Variants in KLHL14 observed in about 807,000 individuals in gnomAD.
KLHL14 encodes kelch-like protein 14.
KLHL14 carries 22 observed loss-of-function variants against 64.3 expected under a neutral mutation model. The ratio of observed to expected loss-of-function variants is 0.34; its 90% confidence interval spans 0.24 to 0.49. The LOEUF (loss-of-function observed/expected upper bound fraction) is 0.49, where lower values mean the gene tolerates loss of function less well. Ranked by LOEUF, KLHL14 falls within the 20% of genes least tolerant of loss-of-function variation. The pLI is 0.99. For missense variants in KLHL14, 661 were observed against 789.0 expected (o/e 0.84, Z 1.94); for synonymous variants, 322 against 333.4 (o/e 0.97, Z 0.37).
intron 4 of KLHL14, among the ~76,000 whole-genome samples, chr18:32,688,132 A>G: frequency 6.6e-6 from 1 of 152,218 alleles, no homozygotes; most frequent in East Asian, 1.9e-4. Flanking sequence ...AATATATTAC[A>G]TTCTCTGTAG....
At chr18:32,742,113 G>A (rs2050202432) in intron 2 of KLHL14, 64 bp from the exon 3 acceptor site, 18 of 1,504,070 alleles carry the variant, frequency 1.2e-5, no homozygotes, top group South Asian at 4.9e-5. Flanking sequence ...TAGTGGCAAC[G>A]AAATCATAAC....
intron 3 of KLHL14, chr18:32,738,711 CTTT>C (rs2050179130): frequency 6.6e-6 from 1 of 152,008 alleles, no homozygotes. Flanking sequence ...TAATTGTTTC[CTTT>C]ACTGTTTGGG....
At chr18:32,693,215 G>A (rs949526325) in intron 4 of KLHL14, among the ~76,000 whole-genome samples, 1 of 152,126 alleles carries the variant, frequency 6.6e-6, no homozygotes, top group African/African-American at 2.4e-5. Flanking sequence ...TGGCCTGCTT[G>A]CCGCAAGGTG....
chr18:32,692,847 TA>T (rs1387728006), intron 4 of KLHL14, among the ~76,000 whole-genome samples: 1 of 152,224 alleles, frequency 6.6e-6, no homozygotes, highest in Non-Finnish European at 1.5e-5. Context: ...AAACTAGAGC[TA>T]TCATGGAATG....
chr18:32,772,738 A>G lies in KLHL14; in HGVS notation c.-115T>C, dbSNP rs2050397705. Reference sequence around the variant, plus strand: ...AAAAATCAATTGTCCTTCCTTTTTAAAGGTTTGCTGTCTCCTTGGGAGGGG... The same window carrying G: ...AAAAATCAATTGTCCTTCCTTTTTAGAGGTTTGCTGTCTCCTTGGGAGGGG... On this transcript the variant is annotated 5_prime_UTR_variant, in exon 1 of 9. Coordinates refer to ENST00000359358, the MANE Select transcript of KLHL14 (RefSeq NM_020805.3). The G allele has an allele frequency of 6.5e-6, 1 of 152,674 alleles. No homozygotes were observed. The highest frequency in any genetic ancestry group is 1.5e-5 in the Non-Finnish European group (1 of 68,470). The allele number at this position is 152,674 out of a possible 1,614,324, so 9.5% of individuals were successfully genotyped here. A position where few individuals can be genotyped will look rare whatever the true frequency, so the allele number is the denominator to read the frequency against.
intron 3 of KLHL14, among the ~76,000 whole-genome samples, chr18:32,713,304 G>A (rs1022556006): frequency 5.3e-5 from 8 of 152,054 alleles, no homozygotes; most frequent in Non-Finnish European, 1.5e-5. Flanking sequence ...GCCCCCAAAC[G>A]AACCCCTGGC....
At chr18:32,707,171 CAT>C (rs2144496606) in intron 3 of KLHL14, among the ~76,000 whole-genome samples, 1 of 152,334 alleles carries the variant, frequency 6.6e-6, no homozygotes, top group Admixed American at 6.5e-5. Context: ...CAACAGAACT[CAT>C]AAAGACAGCT....
chr18:32,737,969 G>C (rs113373912), intron 3 of KLHL14: 218 of 152,278 alleles, frequency 1.4e-3, no homozygotes, highest in African/African-American at 5.0e-3. Context: ...TTGGTACATG[G>C]AAGGATAAAT....
intron 3 of KLHL14, chr18:32,734,309 C>A: frequency 2.9e-6 from 2 of 695,824 alleles, no homozygotes; most frequent in Non-Finnish European, 5.3e-6. Flanking sequence ...TCTTTCTTCT[C>A]CCTGCTGCAT....
chr18:32,761,076 C>G (rs1364164719), intron 2 of KLHL14, among the ~76,000 whole-genome samples: 2 of 152,178 alleles, frequency 1.3e-5, no homozygotes, highest in Non-Finnish European at 2.9e-5. Flanking sequence ...AAACTTAAAA[C>G]AGCATTTTAT....
intron 3 of KLHL14, chr18:32,734,291 A>T (rs1411612516): frequency 7.1e-6 from 5 of 699,452 alleles, no homozygotes; most frequent in Non-Finnish European, 1.3e-5. Context: ...AGTGCAAGAC[A>T]CTGCAGCTCT....
At chr18:32,726,670 T>C (rs927439899) in intron 3 of KLHL14, among the ~76,000 whole-genome samples, 5 of 151,746 alleles carry the variant, frequency 3.3e-5, no homozygotes, top group Non-Finnish European at 7.4e-5. Context: ...AAATAAAATA[T>C]TTTTCTCAAA....
chr18:32,755,335 A>C (rs1469635790), intron 2 of KLHL14, among the ~76,000 whole-genome samples: 1 of 152,192 alleles, frequency 6.6e-6, no homozygotes, highest in African/African-American at 2.4e-5. Flanking sequence ...AATTATTCTG[A>C]AAAGTTTACC....
intron 4 of KLHL14, among the ~76,000 whole-genome samples, chr18:32,689,379 G>C (rs1444605344): frequency 1.3e-5 from 2 of 152,168 alleles, no homozygotes; most frequent in Non-Finnish European, 2.9e-5. Flanking sequence ...GGGGGGAAAG[G>C]TGTGGTATTT....
At chr18:32,760,875 T>C (rs1421019634) in intron 2 of KLHL14, among the ~76,000 whole-genome samples, 3 of 152,240 alleles carry the variant, frequency 2.0e-5, no homozygotes, top group South Asian at 2.1e-4. Context: ...AAAATTCTAA[T>C]GTTCCCACTT....
chr18:32,749,458 G>A (rs926851779), intron 2 of KLHL14, among the ~76,000 whole-genome samples: 1 of 152,138 alleles, frequency 6.6e-6, no homozygotes, highest in Non-Finnish European at 1.5e-5. Context: ...AATGTTGTAA[G>A]GGTTAAATAA....
chr18:32,724,281 G>A (rs965756798), intron 3 of KLHL14, among the ~76,000 whole-genome samples: 1 of 152,168 alleles, frequency 6.6e-6, no homozygotes, highest in South Asian at 2.1e-4. Flanking sequence ...ATCTCCTGGG[G>A]TTATTAAGGG....
At chr18:32,766,138 A>G (rs1351310634) in intron 2 of KLHL14, among the ~76,000 whole-genome samples, 1 of 152,064 alleles carries the variant, frequency 6.6e-6, no homozygotes, top group Admixed American at 6.5e-5. Flanking sequence ...AATTCATTCA[A>G]CTTTTAATAA....
intron 3 of KLHL14, among the ~76,000 whole-genome samples, chr18:32,724,856 T>G (rs1341820479): frequency 6.6e-6 from 1 of 152,184 alleles, no homozygotes; most frequent in African/African-American, 2.4e-5. Flanking sequence ...TAAGTTTTCA[T>G]TTTTTTCCAT....
Sources: gnomAD v4.1 joint callset for allele counts (sites outside exome capture counted in the v4.1 genomes callset) on GRCh38, gnomAD v4.1.1 for gene constraint, MANE v1.5 for transcripts, NCBI Gene and HGNC (gene_info 2026-07-23, HGNC 2026-07-21) for gene names.